TTC7B: variants seen among roughly 807,000 people sequenced by gnomAD.
The protein encoded by TTC7B is tetratricopeptide repeat domain 7B.
A neutral mutation model predicts 106.8 loss-of-function variants in TTC7B; 28 were observed. The ratio of observed to expected loss-of-function variants is 0.26; its 90% CI spans 0.19 to 0.36. The LOEUF (loss-of-function observed/expected upper bound fraction) is 0.36, where lower values mean the gene tolerates loss of function less well. Ranked by LOEUF, TTC7B falls within the 10% of genes least tolerant of loss-of-function variation. The probability of loss-of-function intolerance (pLI) is 1.00; values close to 1 mark genes in which losing one functional copy is unlikely to be tolerated. For synonymous variants in TTC7B, 405 were observed against 430.6 expected (o/e 0.94, Z 0.74); for missense variants, 862 against 1,076.4 (o/e 0.80, Z 2.79).
intron 17 of TTC7B, among the ~76,000 whole-genome samples, chr14:90,596,928 C>G (rs917817404): frequency 6.6e-6 from 1 of 152,124 alleles, no homozygotes; most frequent in African/African-American, 2.4e-5. Context: ...CTACTCTTCC[C>G]CTCTAACAAC....
At chr14:90,565,701 A>G (rs1422499932) in intron 19 of TTC7B, among the ~76,000 whole-genome samples, 1 of 152,056 alleles carries the variant, frequency 6.6e-6, no homozygotes, top group East Asian at 1.9e-4. Context: ...CGCCTGGCCA[A>G]TCCTTTCTAG....
Position 90,595,104 on chromosome 14 carries a change from C to A in TTC7B, c.1967-1478G>T, listed in dbSNP as rs947015064. On this transcript the variant is annotated intron_variant, in intron 17 of 19. Transcript: ENST00000328459. The stretch of plus-strand genomic sequence containing the variant: ...ATCCCAGCACTTTGGGAGGCCGAGG[C>A]GGGCAGATCAGGAGGTCAGGAGATC... Among the ~76,000 whole-genome samples the A allele has an allele frequency of 2.0e-5, 3 of 152,102 alleles. No homozygotes were observed. The South Asian group carries it at 6.2e-4, about 32-fold the overall frequency.
In TTC7B at chr14:90,729,580, C is replaced by T. The variant is rs578154440; in HGVS notation, c.698+495G>A. The stretch of plus-strand genomic sequence containing the variant: ...AAATGCACTCGAGAGCTGTCCCTCC[C>T]GTTCATGTCCTTCAACCTTTCTTAA... On this transcript the variant is annotated intron_variant, in intron 5 of 19. Transcript: ENST00000328459. Among the ~76,000 whole-genome samples, 4 of 152,348 alleles carry T rather than the reference C, an allele frequency of 2.6e-5. No individual in the cohort carries two copies. The East Asian group carries it at 7.7e-4, about 29-fold the overall frequency.
At position 90,629,565 on chromosome 14, in the gene TTC7B, T is replaced by C. The variant is rs74081248; in HGVS notation, c.1752-11520A>G. On this transcript the variant is annotated intron_variant, in intron 15 of 19. Transcript: ENST00000328459. Reference sequence around the variant, plus strand: ...TTGCACAGACAGGTATTAATGTTTGTAGCAGGCAGCCCGGGGCCAGGTGCT... The same window carrying C: ...TTGCACAGACAGGTATTAATGTTTGCAGCAGGCAGCCCGGGGCCAGGTGCT... Among the ~76,000 whole-genome samples the C allele has an allele frequency of 4.0e-3, 611 of 152,328 alleles. 4 individuals carry two copies. Among genetic ancestry groups the C allele is most frequent in the African/African-American group, 0.014 (590 of 41,576 alleles).
intron 17 of TTC7B, chr14:90,603,222 G>C (rs1465393063): frequency 2.4e-6 from 3 of 1,271,674 alleles, no homozygotes; most frequent in Admixed American, 4.6e-5. Context: ...GGAGGCCCTC[G>C]GAAGGATTAA....
rs575700354 is a variant in TTC7B, at chr14:90,673,835, C to A, written c.1152+2688G>T. Among the ~76,000 whole-genome samples the A allele has an allele frequency of 7.2e-5, 11 of 152,070 alleles. 1 individual carries two copies. In the South Asian group the frequency reaches 2.3e-3, roughly 32 times the overall value. Reference sequence around the variant, plus strand: ...ATGCTATGTGAAAGAAGCCAGACACCAAAGCCCAAATATTGGCTATTTATA... The same window carrying A: ...ATGCTATGTGAAAGAAGCCAGACACAAAAGCCCAAATATTGGCTATTTATA... On this transcript the variant is annotated intron_variant, in intron 9 of 19. Coordinates refer to ENST00000328459, the MANE Select transcript of TTC7B (RefSeq NM_001010854.2).
intron 1 of TTC7B, among the ~76,000 whole-genome samples, chr14:90,795,908 C>T (rs1891759316): frequency 6.6e-6 from 1 of 152,108 alleles, no homozygotes; most frequent in Non-Finnish European, 1.5e-5. Flanking sequence ...GCAGTTTACC[C>T]GATCCTGATA....
intron 7 of TTC7B, among the ~76,000 whole-genome samples, chr14:90,687,944 T>C (rs1033283114): frequency 2.6e-5 from 4 of 152,196 alleles, no homozygotes; most frequent in African/African-American, 7.2e-5. Context: ...GTGGCAACCT[T>C]GAAGAAATGC....
intron 15 of TTC7B, among the ~76,000 whole-genome samples, chr14:90,628,372 G>A (rs1241257100): frequency 2.0e-5 from 3 of 152,200 alleles, no homozygotes; most frequent in Admixed American, 2.0e-4. Flanking sequence ...CTTCTCTCTG[G>A]AGGATCTCTC....
chr14:90,677,976 A>G (rs1886907416), intron 8 of TTC7B: 1 of 351,108 alleles, frequency 2.8e-6, no homozygotes, highest in Non-Finnish European at 5.4e-6. Context: ...TGAGCCCAAA[A>G]AAAGCAGCTC....
intron 7 of TTC7B, among the ~76,000 whole-genome samples, chr14:90,681,333 T>G (rs1887040143): frequency 6.6e-6 from 1 of 151,988 alleles, no homozygotes; most frequent in Non-Finnish European, 1.5e-5. Flanking sequence ...TTTCATGAAA[T>G]GGACGAAGAG....
chr14:90,658,522 C>T (rs1886046829), intron 9 of TTC7B, 135 bp from the exon 10 acceptor site: 1 of 833,486 alleles, frequency 1.2e-6, no homozygotes, highest in African/African-American at 1.7e-5. Flanking sequence ...AAAACATAAT[C>T]CACCACCAAA....
chr14:90,755,003 T>C (rs1324108515), intron 3 of TTC7B, among the ~76,000 whole-genome samples: 1 of 152,248 alleles, frequency 6.6e-6, no homozygotes, highest in Non-Finnish European at 1.5e-5. Context: ...ACATTCACAG[T>C]TATTACACAA....
At chr14:90,813,025 A>G (rs2030986041) in intron 1 of TTC7B, among the ~76,000 whole-genome samples, 2 of 152,054 alleles carry the variant, frequency 1.3e-5, no homozygotes, top group South Asian at 4.1e-4. Context: ...ACTCTCCCAT[A>G]GCCCTGTCTC....
At chr14:90,712,929 T>A (rs182176220) in intron 5 of TTC7B, among the ~76,000 whole-genome samples, 2 of 152,272 alleles carry the variant, frequency 1.3e-5, no homozygotes, top group Admixed American at 1.3e-4. Context: ...GACATACAGA[T>A]CAATGAAACA....
At position 90,525,640 on chromosome 14, in the gene TTC7B, A is replaced by C. The variant is rs1399631960; in HGVS notation, c.*15728T>G. Reference sequence around the variant, plus strand: ...CTGGGTCAGCTGTTTCGAGCGGCGGATCTGCTCCTATAGATGTCCAGATTG... The same window carrying C: ...CTGGGTCAGCTGTTTCGAGCGGCGGCTCTGCTCCTATAGATGTCCAGATTG... On this transcript the variant is annotated 3_prime_UTR_variant, in exon 20 of 20. Coordinates refer to ENST00000328459, the MANE Select transcript of TTC7B (RefSeq NM_001010854.2). 1 of 150,378 alleles carries C rather than the reference A, an allele frequency of 6.6e-6. No homozygotes were observed. The highest frequency in any genetic ancestry group is 1.5e-5 in the Non-Finnish European group (1 of 67,686). 9.3% of individuals were successfully genotyped at this position (150,378 alleles called of 1,614,324 possible). A position where few individuals can be genotyped will look rare whatever the true frequency, so the allele number is the denominator to read the frequency against.
rs76010543 is a variant in TTC7B at position 90,566,617 on chromosome 14, G to A, written c.2310+11489C>T. Among the ~76,000 whole-genome samples the A allele has an allele frequency of 9.8e-4, 150 of 152,318 alleles. 2 individuals are homozygous for A. In the East Asian group the frequency reaches 0.027, roughly 27 times the overall value. On this transcript the variant is annotated intron_variant, in intron 19 of 19. Coordinates refer to ENST00000328459, the MANE Select transcript of TTC7B (RefSeq NM_001010854.2). ...GTTGTTATATAAATACCACACAGATGAGAAAACGGAGGAAGCCAACTGGAG... is the reference window on the plus strand; with the variant it reads ...GTTGTTATATAAATACCACACAGATAAGAAAACGGAGGAAGCCAACTGGAG...
At chr14:90,696,610 G>C (rs1887760115) in intron 5 of TTC7B, among the ~76,000 whole-genome samples, 1 of 152,178 alleles carries the variant, frequency 6.6e-6, no homozygotes, top group African/African-American at 2.4e-5. Flanking sequence ...TAAGTTACAA[G>C]CACTCATGAG....
chr14:90,588,237 G>T (rs886456043), intron 18 of TTC7B, among the ~76,000 whole-genome samples: 1 of 152,220 alleles, frequency 6.6e-6, no homozygotes, highest in East Asian at 1.9e-4. Flanking sequence ...GCCAGGCCAG[G>T]CCAGGCCAGG....
Sources: allele counts gnomAD v4.1 joint callset (sites outside exome capture counted in the v4.1 genomes callset), GRCh38; gene constraint gnomAD v4.1.1; transcripts MANE v1.5; gene names NCBI Gene and HGNC (gene_info 2026-07-23, HGNC 2026-07-21).